The following DAB1 variants were observed in gnomAD, a reference collection of about 807,000 sequenced individuals.
DAB1 encodes disabled homolog 1.
A neutral mutation model predicts 64.6 loss-of-function variants in DAB1; 15 were observed. That is an observed-to-expected ratio of 0.23 (90% CI 0.16 to 0.36). The LOEUF (loss-of-function observed/expected upper bound fraction) is 0.36, where lower values mean the gene tolerates loss of function less well. DAB1 is among the 10% of genes least tolerant of loss of function. The pLI, the probability that DAB1 is intolerant of heterozygous loss-of-function variation, is 1.00. For missense variants in DAB1, 596 were observed against 706.7 expected (o/e 0.84, Z 1.78); for synonymous variants, 235 against 251.9 (o/e 0.93, Z 0.64).
At chr1:57,564,382 T>TC in intron 7 of DAB1, among the ~76,000 whole-genome samples, 1 of 152,010 alleles carries the variant, frequency 6.6e-6, no homozygotes, top group Admixed American at 6.6e-5. Flanking sequence ...AGAGCGCCTC[T>TC]CCCCCTCCAA....
intron 5 of DAB1, among the ~76,000 whole-genome samples, chr1:58,070,104 C>T (rs1029843774): frequency 1.6e-4 from 24 of 152,312 alleles, no homozygotes; most frequent in Middle Eastern, 3.4e-3. Context: ...GACACAATTT[C>T]AGATGCTTGC....
intron 1 of DAB1, among the ~76,000 whole-genome samples, chr1:57,344,251 A>G (rs1329981443): frequency 1.3e-5 from 2 of 152,118 alleles, no homozygotes; most frequent in Non-Finnish European, 2.9e-5. Context: ...TGCACATCTG[A>G]TTCATTTTGT....
intron 4 of DAB1, among the ~76,000 whole-genome samples, chr1:58,308,968 A>G (rs572624171): frequency 6.6e-6 from 1 of 152,300 alleles, no homozygotes; most frequent in South Asian, 2.1e-4. Context: ...GCGCAACCTC[A>G]AAGAGTAGCT....
intron 5 of DAB1, among the ~76,000 whole-genome samples, chr1:57,988,246 T>C (rs1322614082): frequency 1.3e-5 from 2 of 152,184 alleles, no homozygotes; most frequent in African/African-American, 4.8e-5. Flanking sequence ...CTGAGGTTAC[T>C]TAACGAGAGG....
intron 6 of DAB1, among the ~76,000 whole-genome samples, chr1:57,755,027 A>G (rs538871261): frequency 2.0e-5 from 3 of 152,356 alleles, no homozygotes; most frequent in African/African-American, 7.2e-5. Context: ...CAAGCAAGTA[A>G]AAAGGTAATC....
chr1:57,715,414 T>C (rs1283813366), intron 6 of DAB1, among the ~76,000 whole-genome samples: 2 of 152,146 alleles, frequency 1.3e-5, no homozygotes, highest in Non-Finnish European at 2.9e-5. Flanking sequence ...GCATAGTACT[T>C]GAAGTTCTAG....
intron 5 of DAB1, among the ~76,000 whole-genome samples, chr1:58,120,325 C>G (rs1570378056): frequency 1.3e-5 from 2 of 152,044 alleles, no homozygotes; most frequent in Admixed American, 6.6e-5. Context: ...AGATCTAAGC[C>G]CCCTCTCAGT....
At position 57,585,248 on chromosome 1, in the gene DAB1, G is replaced by GAAAAAA. The variant is rs61528761; in HGVS notation, n.625+64338_625+64343dup. Among the ~76,000 whole-genome samples, 28 of 44,286 alleles carry GAAAAAA rather than the reference G, an allele frequency of 6.3e-4. 1 individual carries two copies. Among genetic ancestry groups the GAAAAAA allele is most frequent in the African/African-American group, 2.7e-3 (28 of 10,498 alleles). 29.1% of individuals were successfully genotyped at this position (44,286 alleles called of 152,430 possible). On this transcript the variant is annotated intron_variant and non_coding_transcript_variant, in intron 7 of 20. Coordinates refer to the DAB1 transcript ENST00000485760. ...TGGGCGACAGGATGAGACTCTTTCT[G>GAAAAAA]AAAAAAAAAAAAAAAAAAAAAAAAA...
At chr1:58,490,431 A>G (rs1488351050) in intron 3 of DAB1, among the ~76,000 whole-genome samples, 1 of 152,238 alleles carries the variant, frequency 6.6e-6, no homozygotes, top group Non-Finnish European at 1.5e-5. Flanking sequence ...TCCAAGAAAT[A>G]TGGGACTATG....
At chr1:57,568,916 T>A (rs1026265971) in intron 7 of DAB1, among the ~76,000 whole-genome samples, 1 of 152,168 alleles carries the variant, frequency 6.6e-6, no homozygotes, top group African/African-American at 2.4e-5. Flanking sequence ...GACCCAGCCA[T>A]CCTATTACTG....
intron 1 of DAB1, chr1:57,875,317 TG>T (rs1314886217): frequency 5.3e-5 from 8 of 152,290 alleles, no homozygotes; most frequent in African/African-American, 1.7e-4. Context: ...CACACCTTGC[TG>T]CCTTTGAACA....
chr1:57,894,933 G>T (rs538959683), intron 5 of DAB1, among the ~76,000 whole-genome samples: 1 of 151,962 alleles, frequency 6.6e-6, no homozygotes, highest in Non-Finnish European at 1.5e-5. Flanking sequence ...TACATAAATT[G>T]GTCTGAGCAA....
At chr1:58,036,820 G>A (rs1647051786) in intron 5 of DAB1, among the ~76,000 whole-genome samples, 1 of 152,120 alleles carries the variant, frequency 6.6e-6, no homozygotes, top group African/African-American at 2.4e-5. Context: ...ATTAAGAGAG[G>A]CTATTTGTGG....
In DAB1 at chr1:58,117,170, C is replaced by T. The variant is rs146553973; in HGVS notation, n.387+33341G>A. Among the ~76,000 whole-genome samples the T allele has an allele frequency of 6.2e-3, 939 of 152,230 alleles. 8 individuals are homozygous for T. The highest frequency in any genetic ancestry group is 0.031 in the Middle Eastern group (9 of 294). On this transcript the variant is annotated intron_variant and non_coding_transcript_variant, in intron 5 of 20. Transcript: ENST00000485760. ...AGCAATCTCAGCAACTAATGCACAC[C>T]GGATATTTCTATTTGCCTCTCCCAA...
intron 6 of DAB1, among the ~76,000 whole-genome samples, chr1:57,709,063 C>A (rs562229613): frequency 1.3e-5 from 2 of 152,182 alleles, no homozygotes; most frequent in South Asian, 2.1e-4. Context: ...GTTATTAATT[C>A]TTTGAATATT....
At chr1:58,441,341 G>A (rs571145460) in intron 3 of DAB1, among the ~76,000 whole-genome samples, 1 of 152,320 alleles carries the variant, frequency 6.6e-6, no homozygotes, top group Admixed American at 6.5e-5. Flanking sequence ...TGGCTCCAGA[G>A]CCCACTCAAT....
intron 7 of DAB1, among the ~76,000 whole-genome samples, chr1:57,433,293 T>G (rs774993005): frequency 6.6e-6 from 1 of 152,146 alleles, no homozygotes; most frequent in Non-Finnish European, 1.5e-5. Context: ...AGAAGGTTTA[T>G]CCTACCTGAT....
chr1:58,051,636 A>G (rs1033455778), intron 5 of DAB1, among the ~76,000 whole-genome samples: 5 of 152,168 alleles, frequency 3.3e-5, no homozygotes, highest in African/African-American at 1.2e-4. Flanking sequence ...GTCTTCCACA[A>G]TGGTTGAAGC....
intron 5 of DAB1, among the ~76,000 whole-genome samples, chr1:58,025,651 G>GTATATATATATATA (rs763787466): frequency 2.7e-5 from 2 of 75,290 alleles, no homozygotes; most frequent in African/African-American, 8.1e-5. Flanking sequence ...ATATATGTGT[G>GTATATATATATATA]TATATATATA....
Sources: allele counts gnomAD v4.1 joint callset (sites outside exome capture counted in the v4.1 genomes callset), GRCh38; gene constraint gnomAD v4.1.1; transcripts MANE v1.5; gene names NCBI Gene and HGNC (gene_info 2026-07-23, HGNC 2026-07-21).